The following KCNIP4 variants were observed in gnomAD, a reference collection of about 807,000 sequenced individuals.
KCNIP4 encodes the protein Kv channel-interacting protein 4.
Under a neutral mutation model 34.0 loss-of-function variants are expected in KCNIP4, and 12 were observed. The ratio of observed to expected loss-of-function variants is 0.35; its 90% CI spans 0.23 to 0.57. The LOEUF (loss-of-function observed/expected upper bound fraction) is 0.57. Among genes scored for constraint, KCNIP4 ranks in the 20% least tolerant of loss-of-function variants. The pLI, the probability that KCNIP4 is intolerant of heterozygous loss-of-function variation, is 0.83. For missense variants in KCNIP4, 238 were observed against 311.7 expected, an observed-to-expected ratio of 0.76 and a Z score of 1.78; for synonymous variants, 124 against 102.2, an observed-to-expected ratio of 1.21 and a Z score of -1.29.
rs60232033 is a variant in KCNIP4 at position 20,930,587 on chromosome 4, G to A, written c.62-47878C>T. ...AATAAAAAGGCAACATACAGACTGGGAAATATATTTTCACACAGCATATCT... is the reference window on the plus strand; with the variant it reads ...AATAAAAAGGCAACATACAGACTGGAAAATATATTTTCACACAGCATATCT... On this transcript the variant is annotated intron_variant, in intron 1 of 8. Coordinates refer to ENST00000382152, the MANE Select transcript of KCNIP4 (RefSeq NM_025221.6). 8.1e-3 allele frequency among the ~76,000 whole-genome samples: 1,231 copies of A among 152,100 alleles called. 59 individuals carry two copies. The East Asian group carries it at 0.13, about 16-fold the overall frequency.
At chr4:21,482,466 T>C (rs1240005162) in intron 1 of KCNIP4, among the ~76,000 whole-genome samples, 3 of 152,330 alleles carry the variant, frequency 2.0e-5, no homozygotes, top group South Asian at 2.1e-4. Context: ...TTCCTTTCCA[T>C]GTTTAGTGCT....
chr4:21,082,865 TTCTA>T (rs71182707), intron 1 of KCNIP4, among the ~76,000 whole-genome samples: 14,515 of 147,594 alleles, frequency 0.098, 807 homozygotes, highest in Middle Eastern at 0.15. Flanking sequence ...TGCCAGGTTA[TTCTA>T]TCTATCTATC....
chr4:20,998,296 C>A (rs962446902), intron 1 of KCNIP4, among the ~76,000 whole-genome samples: 3 of 152,144 alleles, frequency 2.0e-5, no homozygotes, highest in Non-Finnish European at 4.4e-5. Flanking sequence ...TGTAGAAGCC[C>A]TATCAATCCC....
chr4:20,914,988 A>C (rs1728665746), intron 1 of KCNIP4, among the ~76,000 whole-genome samples: 1 of 152,204 alleles, frequency 6.6e-6, no homozygotes, highest in Non-Finnish European at 1.5e-5. Flanking sequence ...TGGATGCCTG[A>C]AAGAATGCTT....
intron 1 of KCNIP4, among the ~76,000 whole-genome samples, chr4:21,307,723 C>G (rs1227496549): frequency 6.6e-6 from 1 of 152,158 alleles, no homozygotes; most frequent in Non-Finnish European, 1.5e-5. Flanking sequence ...ACCAGCATGC[C>G]TCCTCTGCCT....
intron 3 of KCNIP4, among the ~76,000 whole-genome samples, chr4:20,789,375 G>T (rs960407092): frequency 4.6e-5 from 7 of 151,762 alleles, no homozygotes; most frequent in Admixed American, 4.6e-4. Context: ...CAGCTTCACA[G>T]ACAAAAAAAG....
rs955313766 is a variant in KCNIP4, at chr4:21,194,385, A to G, written c.62-311676T>C. The stretch of plus-strand genomic sequence containing the variant: ...TTTATTGACGATTGGCCATCACTTA[A>G]TACAGGTACTTGATGAATGTGTGAA... On this transcript the variant is annotated intron_variant, in intron 1 of 8. Coordinates refer to ENST00000382152, the MANE Select transcript of KCNIP4 (RefSeq NM_025221.6). 3.3e-5 allele frequency among the ~76,000 whole-genome samples: 5 copies of G among 152,326 alleles called. No individual in the cohort carries two copies. In the South Asian group the frequency reaches 1.0e-3, roughly 32 times the overall value.
At chr4:21,860,287 C>T (rs549120727) in intron 1 of KCNIP4, among the ~76,000 whole-genome samples, 1 of 152,056 alleles carries the variant, frequency 6.6e-6, no homozygotes, top group African/African-American at 2.4e-5. Context: ...GCATGTGCCA[C>T]CACACCCGGC....
At chr4:21,719,643 A>G (rs892581859) in intron 1 of KCNIP4, among the ~76,000 whole-genome samples, 1 of 152,112 alleles carries the variant, frequency 6.6e-6, no homozygotes, top group Admixed American at 6.6e-5. Context: ...CAGTGGCAAG[A>G]AGAAATCTTT....
At chr4:20,895,517 TA>T (rs1726417125) in intron 1 of KCNIP4, among the ~76,000 whole-genome samples, 3 of 152,308 alleles carry the variant, frequency 2.0e-5, no homozygotes, top group Non-Finnish European at 4.4e-5. Context: ...CCAGAAGAAA[TA>T]ACATATAATC....
At chr4:21,566,193 A>G (rs572218488) in intron 1 of KCNIP4, among the ~76,000 whole-genome samples, 1 of 152,284 alleles carries the variant, frequency 6.6e-6, no homozygotes, top group Non-Finnish European at 1.5e-5. Context: ...AATGTTGGCA[A>G]TAGTGTGAAG....
chr4:20,915,537 G>A (rs981998589), intron 1 of KCNIP4, among the ~76,000 whole-genome samples: 9 of 152,046 alleles, frequency 5.9e-5, no homozygotes. Context: ...AATGCCTATA[G>A]AGTCACCAGG....
intron 1 of KCNIP4, among the ~76,000 whole-genome samples, chr4:21,006,607 C>T (rs1434819049): frequency 6.6e-6 from 1 of 152,106 alleles, no homozygotes; most frequent in African/African-American, 2.4e-5. Flanking sequence ...GAGATGTGTT[C>T]AAGATTCTAC....
At chr4:21,484,125 A>T (rs569959873) in intron 1 of KCNIP4, among the ~76,000 whole-genome samples, 2 of 152,092 alleles carry the variant, frequency 1.3e-5, no homozygotes, top group East Asian at 3.9e-4. Flanking sequence ...TGTAATTTTC[A>T]CTATGATTTA....
chr4:21,456,311 T>C (rs1164706531), intron 1 of KCNIP4, among the ~76,000 whole-genome samples: 1 of 147,418 alleles, frequency 6.8e-6, no homozygotes, highest in African/African-American at 2.7e-5. Flanking sequence ...CGGATCAAGA[T>C]TTGCGTACAT....
At chr4:21,714,788 T>G (rs199798774) in intron 1 of KCNIP4, among the ~76,000 whole-genome samples, 461 of 2,270 alleles carry the variant, frequency 0.2, 18 homozygotes, top group Middle Eastern at 0.5. Context: ...TCCCTTTGAT[T>G]ATTTTATTTT....
At chr4:21,092,682 A>G (rs1264650205) in intron 1 of KCNIP4, among the ~76,000 whole-genome samples, 1 of 152,152 alleles carries the variant, frequency 6.6e-6, no homozygotes, top group Non-Finnish European at 1.5e-5. Flanking sequence ...CCTTTCCCTC[A>G]GCTTCAAGGG....
At chr4:21,619,075 G>A (rs1053599098) in intron 1 of KCNIP4, among the ~76,000 whole-genome samples, 6 of 152,004 alleles carry the variant, frequency 3.9e-5, no homozygotes, top group Non-Finnish European at 7.4e-5. Context: ...CTGCTCACCC[G>A]ATAAGTGAGA....
intron 1 of KCNIP4, among the ~76,000 whole-genome samples, chr4:21,369,747 TA>T (rs1212618477): frequency 2.0e-5 from 3 of 147,108 alleles, no homozygotes; most frequent in Admixed American, 6.6e-5. Flanking sequence ...AAGTGAGGCT[TA>T]AAGAAATGCA....
Sources: allele counts gnomAD v4.1 joint callset (sites outside exome capture counted in the v4.1 genomes callset), GRCh38; gene constraint gnomAD v4.1.1; transcripts MANE v1.5; gene names NCBI Gene and HGNC (gene_info 2026-07-23, HGNC 2026-07-21).